GRM1: variants seen among roughly 807,000 people sequenced by gnomAD.
GRM1 encodes the protein metabotropic glutamate receptor 1.
In GRM1, 33 loss-of-function variants were observed where a neutral mutation model predicts 90.9. The observed-to-expected ratio is 0.36, with a 90% confidence interval of 0.28 to 0.49. The LOEUF is 0.49. Among genes scored for constraint, GRM1 ranks in the 20% least tolerant of loss-of-function variants. The probability of loss-of-function intolerance (pLI) is 0.99; values close to 1 mark genes in which losing one functional copy is unlikely to be tolerated. For synonymous variants in GRM1, 700 were observed against 613.2 expected (o/e 1.14, Z -2.09); for missense variants, 1,190 against 1,534.3 (o/e 0.78, Z 3.75).
intron 1 of GRM1, among the ~76,000 whole-genome samples, chr6:146,116,703 TAAGTC>T (rs1196955475): frequency 6.6e-6 from 1 of 152,166 alleles, no homozygotes; most frequent in Non-Finnish European, 1.5e-5. Context: ...ATTTACCAGT[TAAGTC>T]ATCTAATTTC....
chr6:146,198,003 A>G (rs913018602), intron 2 of GRM1, among the ~76,000 whole-genome samples: 2 of 152,244 alleles, frequency 1.3e-5, no homozygotes, highest in African/African-American at 4.8e-5. Flanking sequence ...TTACCACAAT[A>G]AAAACAAAAA....
intron 1 of GRM1, among the ~76,000 whole-genome samples, chr6:146,148,626 T>C (rs1777201150): frequency 6.6e-6 from 1 of 152,196 alleles, no homozygotes; most frequent in Non-Finnish European, 1.5e-5. Flanking sequence ...TGAAACTTCG[T>C]GGAAAATGAA....
intron 5 of GRM1, among the ~76,000 whole-genome samples, chr6:146,366,954 TTTATC>T (rs1377821079): frequency 6.6e-6 from 1 of 152,160 alleles, no homozygotes; most frequent in African/African-American, 2.4e-5. Context: ...CTTTTGAGGT[TTTATC>T]CAGAAAATCT....
rs557459816 is a variant in GRM1 at position 146,056,165 on chromosome 6, A to C, written c.700+25948A>C. On this transcript the variant is annotated intron_variant, in intron 1 of 7. Coordinates refer to ENST00000282753, the MANE Select transcript of GRM1 (RefSeq NM_001278064.2). ...ATCTTTCTATATAATTAGCTATTTT[A>C]AAAAGTTTATTTTTCTAAAACTATC... 5.9e-5 allele frequency among the ~76,000 whole-genome samples: 9 copies of C among 152,266 alleles called. 1 individual carries two copies. The Middle Eastern group carries it at 0.02, about 345-fold the overall frequency.
In GRM1 at chr6:146,030,176, A is replaced by G. The variant is rs1319356917; in HGVS notation, c.659A>G (p.Lys220Arg). ...GCAAGGGCCATGCTTGACATAGTCAAACGTTACAATTGGACCTATGTCTCT... is the reference window on the plus strand; with the variant it reads ...GCAAGGGCCATGCTTGACATAGTCAGACGTTACAATTGGACCTATGTCTCT... ...LQARAMLDIV[K>R]RYNWTYVSAV... The change falls in exon 1 of 8, where the codon AAA becomes AGA. Residue 220 changes from lysine to arginine, a missense_variant. Transcript: ENST00000282753. The G allele has an allele frequency of 1.2e-6, 2 of 1,613,976 alleles. No individual in the cohort carries two copies. The highest frequency in any genetic ancestry group is 1.7e-6 in the Non-Finnish European group (2 of 1,179,830).
At chr6:146,228,731 ACT>A (rs1780339108) in intron 2 of GRM1, among the ~76,000 whole-genome samples, 1 of 151,956 alleles carries the variant, frequency 6.6e-6, no homozygotes, top group African/African-American at 2.4e-5. Flanking sequence ...CCTGTCAAAG[ACT>A]CTCTTGAGAT....
At chr6:146,396,998 T>G (rs1483636514) in intron 6 of GRM1, among the ~76,000 whole-genome samples, 1 of 152,046 alleles carries the variant, frequency 6.6e-6, no homozygotes, top group Non-Finnish European at 1.5e-5. Flanking sequence ...AGTGAGAAAA[T>G]TATTGAGAAT....
chr6:146,229,174 G>A (rs1379202165), intron 2 of GRM1, among the ~76,000 whole-genome samples: 2 of 151,530 alleles, frequency 1.3e-5, no homozygotes, highest in Non-Finnish European at 2.9e-5. Context: ...GTTAGGGATG[G>A]GGTTTCTCCA....
chr6:146,420,801 A>G (rs1487161733), intron 7 of GRM1, among the ~76,000 whole-genome samples: 1 of 152,210 alleles, frequency 6.6e-6, no homozygotes, highest in Non-Finnish European at 1.5e-5. Context: ...GAGAAACTAA[A>G]TAGATGATGA....
intron 1 of GRM1, among the ~76,000 whole-genome samples, chr6:146,141,309 GATT>G (rs541729815): frequency 6.7e-6 from 1 of 149,222 alleles, no homozygotes; most frequent in South Asian, 2.1e-4. Flanking sequence ...CTGCTTCTAA[GATT>G]TTTTTTTTGT....
At chr6:146,350,166 A>C (rs1322728765) in intron 3 of GRM1, among the ~76,000 whole-genome samples, 1 of 152,268 alleles carries the variant, frequency 6.6e-6, no homozygotes, top group Non-Finnish European at 1.5e-5. Context: ...TCCACTAGAC[A>C]ACCACTGGCA....
intron 3 of GRM1, among the ~76,000 whole-genome samples, chr6:146,339,602 A>G (rs986461869): frequency 1.3e-5 from 2 of 152,226 alleles, no homozygotes; most frequent in Non-Finnish European, 1.5e-5. Flanking sequence ...CAGTTAGATC[A>G]TCATCCTATT....
At chr6:146,121,123 T>C (rs1279520876) in intron 1 of GRM1, among the ~76,000 whole-genome samples, 1 of 152,170 alleles carries the variant, frequency 6.6e-6, no homozygotes, top group East Asian at 1.9e-4. Context: ...GAGCCTCTTA[T>C]TGGTCTATTC....
chr6:146,121,537 A>G (rs189449098), intron 1 of GRM1, among the ~76,000 whole-genome samples: 1 of 152,110 alleles, frequency 6.6e-6, no homozygotes, highest in East Asian at 1.9e-4. Flanking sequence ...TAGGGTGTCA[A>G]TTTTAGATCT....
At chr6:146,098,695 G>A (rs1000187647) in intron 1 of GRM1, among the ~76,000 whole-genome samples, 2 of 151,966 alleles carry the variant, frequency 1.3e-5, no homozygotes, top group Non-Finnish European at 2.9e-5. Flanking sequence ...ACATGTGGGA[G>A]GGACTTGGTG....
intron 2 of GRM1, among the ~76,000 whole-genome samples, chr6:146,223,577 C>G (rs894939538): frequency 1.3e-5 from 2 of 152,048 alleles, no homozygotes; most frequent in African/African-American, 4.8e-5. Context: ...AAAGTTATCT[C>G]TATAACAGCC....
At chr6:146,234,871 C>T (rs1304363232) in intron 2 of GRM1, among the ~76,000 whole-genome samples, 32 of 152,022 alleles carry the variant, frequency 2.1e-4, no homozygotes, top group Admixed American at 2.1e-3. Context: ...GCCTCCCAAG[C>T]AGCTGAGACT....
intron 1 of GRM1, among the ~76,000 whole-genome samples, chr6:146,039,285 A>T (rs1319326548): frequency 6.6e-6 from 1 of 152,022 alleles, no homozygotes; most frequent in African/African-American, 2.4e-5. Context: ...AGAAAAGGTG[A>T]CATCTGAAGT....
At chr6:146,433,538 G>A (rs1410932895) in intron 7 of GRM1, among the ~76,000 whole-genome samples, 2 of 151,710 alleles carry the variant, frequency 1.3e-5, no homozygotes, top group Non-Finnish European at 2.9e-5. Flanking sequence ...GTGTGTGTGT[G>A]TGTGTGTGTG....
Sources: allele counts gnomAD v4.1 joint callset (sites outside exome capture counted in the v4.1 genomes callset), GRCh38; gene constraint gnomAD v4.1.1; transcripts MANE v1.5; gene names NCBI Gene and HGNC (gene_info 2026-07-23, HGNC 2026-07-21).